The following GBE1 variants were observed in gnomAD, a reference collection of about 807,000 sequenced individuals.
GBE1 encodes 1,4-alpha-glucan branching enzyme 1, also known as 1,4-alpha-glucan-branching enzyme.
In GBE1, 70 loss-of-function variants were observed where a neutral mutation model predicts 88.8. The ratio of observed to expected loss-of-function variants is 0.79; its 90% CI spans 0.65 to 0.96. The LOEUF (loss-of-function observed/expected upper bound fraction) is 0.96, where lower values mean the gene tolerates loss of function less well. GBE1 is among the 40% of genes least tolerant of loss of function. The pLI is 0.00. For missense variants in GBE1, 872 were observed against 871.0 expected, an observed-to-expected ratio of 1.00 and a Z score of -0.01; for synonymous variants, 284 against 300.1, an observed-to-expected ratio of 0.95 and a Z score of 0.56.
rs28763905 is a variant in GBE1, at chr3:81,761,350, G to C, written c.143+25C>G. 2.7e-3 allele frequency: 4,301 copies of C among 1,596,484 alleles called. 15 individuals carry two copies. The highest frequency in any genetic ancestry group is 0.011 in the Middle Eastern group (64 of 5,854). The stretch of plus-strand genomic sequence containing the variant: ...TGGGAGGCGGGCTGCCTGTCTAAGT[G>C]GGGGTGGTGGGATTCCGGCGGTACC... On this transcript the variant is annotated intron_variant, in intron 1 of 15. Coordinates refer to ENST00000429644, the MANE Select transcript of GBE1 (RefSeq NM_000158.4).
chr3:81,666,960 G>T (rs564064074), intron 3 of GBE1, among the ~76,000 whole-genome samples: 28 of 152,280 alleles, frequency 1.8e-4, no homozygotes, highest in African/African-American at 6.5e-4. Flanking sequence ...AAGACTTATA[G>T]TATTTAGATT....
intron 7 of GBE1, among the ~76,000 whole-genome samples, chr3:81,637,614 T>A (rs952847863): frequency 2.0e-5 from 3 of 152,150 alleles, no homozygotes; most frequent in African/African-American, 7.2e-5. Flanking sequence ...TTTTTGTTTT[T>A]GTCATTGGGT....
chr3:81,755,762 T>TA (rs1261965744), intron 1 of GBE1, among the ~76,000 whole-genome samples: 1 of 152,048 alleles, frequency 6.6e-6, no homozygotes, highest in Non-Finnish European at 1.5e-5. Context: ...ATGCAGAAGC[T>TA]AAAAAAGTGT....
intron 12 of GBE1, among the ~76,000 whole-genome samples, chr3:81,558,689 G>T (rs909476965): frequency 5.9e-5 from 9 of 152,082 alleles, no homozygotes; most frequent in Admixed American, 2.0e-4. Context: ...TAAACATGCA[G>T]ATTTCAATAT....
chr3:81,537,723 A>T (rs1472594854), intron 12 of GBE1, among the ~76,000 whole-genome samples: 1 of 151,934 alleles, frequency 6.6e-6, no homozygotes, highest in East Asian at 1.9e-4. Flanking sequence ...CATTACTTTT[A>T]TTATGAATTT....
At chr3:81,694,171 A>G (rs1258299625) in intron 2 of GBE1, among the ~76,000 whole-genome samples, 3 of 152,062 alleles carry the variant, frequency 2.0e-5, no homozygotes, top group Non-Finnish European at 4.4e-5. Flanking sequence ...GATGGAAGGA[A>G]ATGAGGGAAG....
At chr3:81,636,525 GTT>G (rs1330308760) in intron 7 of GBE1, among the ~76,000 whole-genome samples, 18 of 147,366 alleles carry the variant, frequency 1.2e-4, no homozygotes, top group Admixed American at 4.7e-4. Flanking sequence ...TCCATCATTT[GTT>G]TTTTGGCTTT....
intron 2 of GBE1, among the ~76,000 whole-genome samples, chr3:81,690,864 C>T (rs571251153): frequency 1.3e-4 from 19 of 151,972 alleles, no homozygotes; most frequent in Admixed American, 5.9e-4. Context: ...TATTGTCCTA[C>T]GCTAGACATT....
intron 14 of GBE1, among the ~76,000 whole-genome samples, chr3:81,513,462 G>A (rs1250526376): frequency 6.6e-6 from 1 of 151,402 alleles, no homozygotes; most frequent in African/African-American, 2.4e-5. Context: ...GTGCTAGAGG[G>A]CAAAGAGTTG....
rs564445932 is a variant in GBE1, at chr3:81,748,114, A to G, written c.143+13261T>C. 1.3e-3 allele frequency among the ~76,000 whole-genome samples: 195 copies of G among 151,842 alleles called. 1 individual carries two copies. The highest frequency in any genetic ancestry group is 4.5e-3 in the African/African-American group (188 of 41,400). On this transcript the variant is annotated intron_variant, in intron 1 of 15. Transcript: ENST00000429644. ...CAGCCTGGACAACAGGGCAAGACTCATCTCAAAAAACAAAAACCGGCAAGT... is the reference window on the plus strand; with the variant it reads ...CAGCCTGGACAACAGGGCAAGACTCGTCTCAAAAAACAAAAACCGGCAAGT...
chr3:81,524,988 C>A (rs1185424947), intron 14 of GBE1, among the ~76,000 whole-genome samples: 1 of 151,736 alleles, frequency 6.6e-6, no homozygotes, highest in Non-Finnish European at 1.5e-5. Flanking sequence ...TCGTTCTTGA[C>A]CTAGCCTTGG....
At chr3:81,649,473 C>T (rs1320215567) in intron 4 of GBE1, among the ~76,000 whole-genome samples, 3 of 151,664 alleles carry the variant, frequency 2.0e-5, no homozygotes, top group Non-Finnish European at 4.4e-5. Context: ...CTGAGAAATA[C>T]TGCACTAAAG....
At chr3:81,614,301 A>C (rs776182404) in intron 7 of GBE1, among the ~76,000 whole-genome samples, 23 of 152,168 alleles carry the variant, frequency 1.5e-4, no homozygotes, top group Non-Finnish European at 2.5e-4. Context: ...GGGGGGAAAA[A>C]ACCCTACCAT....
At chr3:81,519,550 T>C (rs1369762879) in intron 14 of GBE1, among the ~76,000 whole-genome samples, 1 of 150,712 alleles carries the variant, frequency 6.6e-6, no homozygotes, top group Non-Finnish European at 1.5e-5. Context: ...TATTTATCTG[T>C]ATATACCAAC....
At chr3:81,647,352 G>C (rs1704779885) in intron 5 of GBE1, among the ~76,000 whole-genome samples, 1 of 152,146 alleles carries the variant, frequency 6.6e-6, no homozygotes, top group Non-Finnish European at 1.5e-5. Context: ...ATATATGCAT[G>C]TATGTGCATA....
chr3:81,492,075 T>C (rs1427938204), intron 15 of GBE1, among the ~76,000 whole-genome samples: 1 of 152,220 alleles, frequency 6.6e-6, no homozygotes, highest in African/African-American at 2.4e-5. Flanking sequence ...CTGCAAAAGA[T>C]TAACAAATGC....
In GBE1 at chr3:81,634,374, C is replaced by T. The variant is rs559877353; in HGVS notation, c.992+8407G>A. 2.0e-5 allele frequency among the ~76,000 whole-genome samples: 3 copies of T among 152,308 alleles called. No individual in the cohort carries two copies. In the South Asian group the frequency reaches 6.2e-4, roughly 32 times the overall value. On this transcript the variant is annotated intron_variant, in intron 7 of 15. Transcript: ENST00000429644. ...TCAAGAGCAGAGAGGTAAAGATCAT[C>T]CAATTCTAAAACCACCCACTTTATA... is the stretch of plus-strand genomic sequence containing the variant.
intron 14 of GBE1, among the ~76,000 whole-genome samples, chr3:81,527,111 C>A (rs1223981976): frequency 2.0e-5 from 3 of 152,028 alleles, no homozygotes; most frequent in African/African-American, 7.2e-5. Context: ...CAAAAACAAG[C>A]AATGGGGAAA....
chr3:81,639,350 T>TTA (rs1553687943), intron 7 of GBE1, among the ~76,000 whole-genome samples: 18,302 of 151,484 alleles, frequency 0.12, 1,243 homozygotes, highest in Non-Finnish European at 0.17. Flanking sequence ...TATTTTTTTT[T>TTA]AAAAAAAATG....
Sources: allele counts gnomAD v4.1 joint callset (sites outside exome capture counted in the v4.1 genomes callset), GRCh38; gene constraint gnomAD v4.1.1; transcripts MANE v1.5; gene names NCBI Gene and HGNC (gene_info 2026-07-23, HGNC 2026-07-21).